CABLES1: variants seen among roughly 807,000 people sequenced by gnomAD.
The protein encoded by CABLES1 is CDK5 and ABL1 enzyme substrate 1.
A neutral mutation model predicts 57.8 loss-of-function variants in CABLES1; 36 were observed. That is an observed-to-expected ratio of 0.62 (90% CI 0.48 to 0.82). The LOEUF (loss-of-function observed/expected upper bound fraction) is 0.82. CABLES1 is among the 40% of genes least tolerant of loss of function. The probability of loss-of-function intolerance (pLI) is 0.00; values close to 1 mark genes in which losing one functional copy is unlikely to be tolerated. For synonymous variants in CABLES1, 374 were observed against 363.0 expected (o/e 1.03, Z -0.35); for missense variants, 767 against 836.6 (o/e 0.92, Z 1.03).
chr18:23,196,086 T>C (rs1235648999), intron 3 of CABLES1, among the ~76,000 whole-genome samples: 1 of 152,158 alleles, frequency 6.6e-6, no homozygotes, highest in Admixed American at 6.6e-5. Context: ...AGGATACAGT[T>C]AATAAAAGAC....
intron 7 of CABLES1, among the ~76,000 whole-genome samples, chr18:23,239,846 G>A (rs542984366): frequency 6.6e-5 from 10 of 152,340 alleles, no homozygotes; most frequent in African/African-American, 2.4e-4. Flanking sequence ...GACCAGGCAT[G>A]GTGGCTCACG....
chr18:23,184,900 C>T (rs1321211294), intron 1 of CABLES1, among the ~76,000 whole-genome samples: 1 of 152,032 alleles, frequency 6.6e-6, no homozygotes, highest in Non-Finnish European at 1.5e-5. Context: ...GCACTAATCC[C>T]ATTCATGAGG....
At chr18:23,240,280 G>GA (rs2047702688) in intron 7 of CABLES1, among the ~76,000 whole-genome samples, 1 of 152,186 alleles carries the variant, frequency 6.6e-6, no homozygotes, top group Non-Finnish European at 1.5e-5. Flanking sequence ...GAGCCCAGTG[G>GA]AAAGACCCCA....
chr18:23,234,870 C>T lies in CABLES1; in HGVS notation c.1185+166C>T, dbSNP rs180895351. Among the ~76,000 whole-genome samples the T allele has an allele frequency of 1.4e-4, 21 of 152,306 alleles. No individual in the cohort carries two copies. In the East Asian group the frequency reaches 3.5e-3, roughly 25 times the overall value. On this transcript the variant is annotated intron_variant, in intron 5 of 9. Transcript: ENST00000256925. Reference sequence around the variant, plus strand: ...CTGCCCGGCTCCCCTAGTGTGCAGCCGGTGATTGAGTAGCAGCATGGCAGG... The same window carrying T: ...CTGCCCGGCTCCCCTAGTGTGCAGCTGGTGATTGAGTAGCAGCATGGCAGG...
chr18:23,144,222 C>T (rs2046877051), intron 1 of CABLES1, among the ~76,000 whole-genome samples: 1 of 152,238 alleles, frequency 6.6e-6, no homozygotes, highest in Non-Finnish European at 1.5e-5. Flanking sequence ...CCTCCGTGGT[C>T]TGGTCAGAGC....
chr18:23,173,121 A>G (rs1474487319), intron 1 of CABLES1, among the ~76,000 whole-genome samples: 1 of 152,144 alleles, frequency 6.6e-6, no homozygotes, highest in Non-Finnish European at 1.5e-5. Context: ...GGTGGATGAA[A>G]TGTGGCTGTC....
chr18:23,195,753 TTCTC>T (rs769316513), intron 3 of CABLES1, among the ~76,000 whole-genome samples: 3 of 152,240 alleles, frequency 2.0e-5, no homozygotes, highest in Admixed American at 6.5e-5. Flanking sequence ...TACTCTGAAT[TTCTC>T]TCTCTCACCC....
rs1274123358 is a variant in CABLES1 at position 23,194,472 on chromosome 18, C to T, written c.942C>T (p.Pro314=). 1 of 1,612,626 alleles carries T rather than the reference C, an allele frequency of 6.2e-7. No individual in the cohort carries two copies. Among genetic ancestry groups the T allele is most frequent in the East Asian group, 2.2e-5 (1 of 44,904 alleles). The change falls in exon 3 of 10, where the codon CCC becomes CCT. Residue 314 remains proline (P), a synonymous_variant. Coordinates refer to ENST00000256925, the MANE Select transcript of CABLES1 (RefSeq NM_001100619.3). ...LRRCRTLSGS[P]RPKNFKKIHF... is the part of the protein sequence containing the mutation. ...GATGTCGAACTCTCTCAGGTTCACC[C>T]AGACCAAAGAATTTTAAGAAGATTC...
rs1037073774 is a variant in CABLES1 at position 23,257,562 on chromosome 18, G to A, written c.*195G>A. The A allele has an allele frequency of 1.1e-5, 6 of 553,130 alleles. No individual in the cohort carries two copies. Among genetic ancestry groups the A allele is most frequent in the Middle Eastern group, 4.6e-4 (1 of 2,176 alleles). The allele number at this position is 553,130 out of a possible 1,614,324, so 34.3% of individuals were successfully genotyped here. ...TAGCCAAGAGGAGCCATGAGCTATGGACTCCTCAAGCACGGGAAGAGGAGG... is the reference window on the plus strand; with the variant it reads ...TAGCCAAGAGGAGCCATGAGCTATGAACTCCTCAAGCACGGGAAGAGGAGG... On this transcript the variant is annotated 3_prime_UTR_variant, in exon 10 of 10. Transcript: ENST00000256925.
At chr18:23,211,417 G>A (rs572658950) in intron 3 of CABLES1, among the ~76,000 whole-genome samples, 1 of 152,180 alleles carries the variant, frequency 6.6e-6, no homozygotes, top group East Asian at 1.9e-4. Context: ...GAGAGCCTCT[G>A]CCCCTCCATC....
At chr18:23,184,924 G>A (rs1455181218) in intron 1 of CABLES1, among the ~76,000 whole-genome samples, 1 of 152,042 alleles carries the variant, frequency 6.6e-6, no homozygotes, top group Non-Finnish European at 1.5e-5. Flanking sequence ...CCACTCTTAT[G>A]ACAGATCACT....
intron 7 of CABLES1, among the ~76,000 whole-genome samples, chr18:23,250,960 A>G (rs1028988183): frequency 1.3e-5 from 2 of 152,222 alleles, no homozygotes; most frequent in African/African-American, 2.4e-5. Context: ...CCTTGCTACT[A>G]ACTGACACCA....
At chr18:23,255,814 A>G (rs936599663) in intron 9 of CABLES1, among the ~76,000 whole-genome samples, 3 of 151,718 alleles carry the variant, frequency 2.0e-5, no homozygotes, top group Admixed American at 1.3e-4. Flanking sequence ...TTTCACCTCA[A>G]CCTCCCAAAG....
At chr18:23,198,770 T>G (rs2047302901) in intron 3 of CABLES1, among the ~76,000 whole-genome samples, 2 of 152,216 alleles carry the variant, frequency 1.3e-5, no homozygotes, top group African/African-American at 2.4e-5. Context: ...AAACCAATTC[T>G]CCCTACAGCC....
intron 4 of CABLES1, among the ~76,000 whole-genome samples, chr18:23,223,299 G>C (rs1289912520): frequency 6.6e-6 from 1 of 152,134 alleles, no homozygotes; most frequent in Admixed American, 6.5e-5. Flanking sequence ...GGCATTTTTG[G>C]TTGGGTGCGG....
At chr18:23,252,010 C>G (rs543261381) in intron 7 of CABLES1, among the ~76,000 whole-genome samples, 2 of 148,814 alleles carry the variant, frequency 1.3e-5, no homozygotes, top group Non-Finnish European at 3.0e-5. Flanking sequence ...CGCTTGAACC[C>G]GGGAGGCGGA....
chr18:23,235,838 G>A (rs1188138466), intron 5 of CABLES1, 57 bp from the exon 6 acceptor site: 24 of 1,536,550 alleles, frequency 1.6e-5, no homozygotes, highest in East Asian at 2.3e-5. Flanking sequence ...TGATCAGAAT[G>A]CAGAGCTAGC....
At position 23,135,783 on chromosome 18, in the gene CABLES1, C is replaced by G; in HGVS notation, c.21C>G (p.Ala7=). MAAAAA[A]ATTAACSSGS... ...ACACAATGGCGGCGGCGGCGGCGGCCGCCACCACGGCCGCCTGCAGCAGCG... is the reference window on the plus strand; with the variant it reads ...ACACAATGGCGGCGGCGGCGGCGGCGGCCACCACGGCCGCCTGCAGCAGCG... The change falls in exon 1 of 10, where the codon GCC becomes GCG. Residue 7 remains alanine (A), a synonymous_variant. Transcript: ENST00000256925. 3.1e-6 allele frequency: 3 copies of G among 982,074 alleles called. No homozygotes were observed. Among genetic ancestry groups the G allele is most frequent in the African/African-American group, 1.8e-5 (1 of 56,706 alleles). 60.8% of individuals were successfully genotyped at this position (982,074 alleles called of 1,614,324 possible).
At chr18:23,226,412 A>G (rs936794148) in intron 4 of CABLES1, among the ~76,000 whole-genome samples, 34 of 152,060 alleles carry the variant, frequency 2.2e-4, no homozygotes, top group Non-Finnish European at 4.1e-4. Context: ...AAAAAAAAAA[A>G]AAAAAAGTTC....
Sources: allele counts gnomAD v4.1 joint callset (sites outside exome capture counted in the v4.1 genomes callset), GRCh38; gene constraint gnomAD v4.1.1; transcripts MANE v1.5; gene names NCBI Gene and HGNC (gene_info 2026-07-23, HGNC 2026-07-21).